The following IPCEF1 variants were observed in gnomAD, a reference collection of about 807,000 sequenced individuals.
The protein encoded by IPCEF1 is interactor protein for cytohesin exchange factors 1.
A neutral mutation model predicts 50.9 loss-of-function variants in IPCEF1; 31 were observed. The observed-to-expected ratio is 0.61, with a 90% CI of 0.46 to 0.82. IPCEF1 has a LOEUF of 0.82. Ranked by LOEUF, IPCEF1 falls within the 40% of genes least tolerant of loss-of-function variation. The pLI is 0.00. For missense variants in IPCEF1, 458 were observed against 514.0 expected (o/e 0.89, Z 1.05); for synonymous variants, 181 against 192.0 (o/e 0.94, Z 0.47).
At chr6:154,166,941 T>A (rs1583686740) in intron 11 of IPCEF1, among the ~76,000 whole-genome samples, 1 of 152,248 alleles carries the variant, frequency 6.6e-6, no homozygotes, top group Admixed American at 6.5e-5. Context: ...ATTATCTTTG[T>A]ATAATTAAAA....
chr6:154,221,455 A>C, intron 6 of IPCEF1, 127 bp from the exon 7 acceptor site: 1 of 724,208 alleles, frequency 1.4e-6, no homozygotes, highest in Non-Finnish European at 2.3e-6. Flanking sequence ...TACAAAAAAT[A>C]ATTTAGTAAT....
intron 9 of IPCEF1, among the ~76,000 whole-genome samples, chr6:154,202,464 C>A (rs1374452074): frequency 6.6e-6 from 1 of 152,144 alleles, no homozygotes. Context: ...ACAAAAATAT[C>A]CATTCTGGAC....
At chr6:154,301,061 G>A (rs967127846) in intron 1 of IPCEF1, among the ~76,000 whole-genome samples, 12 of 152,094 alleles carry the variant, frequency 7.9e-5, no homozygotes, top group Non-Finnish European at 2.9e-5. Flanking sequence ...AATTATCTTG[G>A]CACATACACC....
intron 5 of IPCEF1, among the ~76,000 whole-genome samples, chr6:154,233,384 A>AC (rs1235903189): frequency 6.6e-6 from 1 of 152,212 alleles, no homozygotes; most frequent in Non-Finnish European, 1.5e-5. Context: ...TAGTAAACTT[A>AC]CCATATTCTT....
intron 10 of IPCEF1, among the ~76,000 whole-genome samples, chr6:154,182,355 G>A (rs1176641248): frequency 1.3e-5 from 2 of 152,148 alleles, no homozygotes; most frequent in East Asian, 3.8e-4. Context: ...TCTATTGGGT[G>A]ATCTTTAATG....
intron 11 of IPCEF1, among the ~76,000 whole-genome samples, chr6:154,165,237 G>C (rs557472951): frequency 1.3e-5 from 2 of 152,150 alleles, no homozygotes; most frequent in South Asian, 2.1e-4. Context: ...ACTACTACCA[G>C]GGTCACAGAA....
intron 1 of IPCEF1, among the ~76,000 whole-genome samples, chr6:154,310,238 G>A (rs1039058715): frequency 2.0e-5 from 3 of 152,134 alleles, no homozygotes; most frequent in African/African-American, 4.8e-5. Context: ...TCTCAAAAGA[G>A]GACATATGAT....
chr6:154,332,656 G>T (rs1783700418), intron 1 of IPCEF1, among the ~76,000 whole-genome samples: 2 of 152,140 alleles, frequency 1.3e-5, no homozygotes, highest in African/African-American at 4.8e-5. Flanking sequence ...CTAATTAAGA[G>T]TGCTCTCTCC....
At chr6:154,204,087 T>G (rs938472210) in intron 9 of IPCEF1, among the ~76,000 whole-genome samples, 17 of 152,230 alleles carry the variant, frequency 1.1e-4, no homozygotes, top group African/African-American at 4.1e-4. Context: ...ATGAGGAAGT[T>G]AAAGACATTT....
intron 9 of IPCEF1, 152 bp from the exon 10 acceptor site, chr6:154,200,192 TTC>T: frequency 1.4e-6 from 1 of 719,496 alleles, no homozygotes; most frequent in Non-Finnish European, 2.2e-6. Flanking sequence ...TGATATTTAT[TTC>T]TGTTTGACAC....
chr6:154,328,296 T>C lies in IPCEF1; in HGVS notation c.-62+28376A>G, dbSNP rs530710777. Reference sequence around the variant, plus strand: ...AGAACAAATTCTAAAGCGTGGCTGATGAACACTAGGCTTGCCCAGTGCTCT... The same window carrying C: ...AGAACAAATTCTAAAGCGTGGCTGACGAACACTAGGCTTGCCCAGTGCTCT... On this transcript the variant is annotated intron_variant, in intron 1 of 11. Transcript: ENST00000367220. Among the ~76,000 whole-genome samples, 4 of 152,342 alleles carry C rather than the reference T, an allele frequency of 2.6e-5. No homozygotes were observed. In the East Asian group the frequency reaches 7.7e-4, roughly 29 times the overall value.
intron 10 of IPCEF1, among the ~76,000 whole-genome samples, chr6:154,189,740 G>C (rs1801698359): frequency 6.6e-6 from 1 of 152,014 alleles, no homozygotes; most frequent in Non-Finnish European, 1.5e-5. Flanking sequence ...AGGCCGAGGT[G>C]GGTGGATCAC....
chr6:154,277,779 T>C (rs1355581514), intron 2 of IPCEF1, among the ~76,000 whole-genome samples: 1 of 152,236 alleles, frequency 6.6e-6, no homozygotes, highest in Non-Finnish European at 1.5e-5. Flanking sequence ...TTTGTTTCCA[T>C]TCCTTTATAG....
chr6:154,288,179 A>T (rs958198385), intron 2 of IPCEF1, among the ~76,000 whole-genome samples: 1 of 152,240 alleles, frequency 6.6e-6, no homozygotes, highest in African/African-American at 2.4e-5. Flanking sequence ...CTAATGAGTT[A>T]TGACTAACAG....
At chr6:154,314,833 T>C (rs1783171910) in intron 1 of IPCEF1, among the ~76,000 whole-genome samples, 1 of 151,898 alleles carries the variant, frequency 6.6e-6, no homozygotes, top group Admixed American at 6.6e-5. Context: ...GAGGTTCCTT[T>C]CCCTTCAGGG....
chr6:154,314,169 A>T (rs1477245660), intron 1 of IPCEF1, among the ~76,000 whole-genome samples: 2 of 152,228 alleles, frequency 1.3e-5, no homozygotes, highest in East Asian at 1.9e-4. Flanking sequence ...ATTTATAATT[A>T]TAGAGTGCTT....
chr6:154,191,546 C>A (rs775978257), intron 10 of IPCEF1, among the ~76,000 whole-genome samples: 2 of 151,762 alleles, frequency 1.3e-5, no homozygotes, highest in East Asian at 1.9e-4. Flanking sequence ...TGGTGGCGAG[C>A]GCCTATAGTC....
intron 3 of IPCEF1, among the ~76,000 whole-genome samples, chr6:154,265,344 G>A (rs546077524): frequency 3.2e-4 from 49 of 151,634 alleles, no homozygotes; most frequent in African/African-American, 1.1e-3. Flanking sequence ...GCAGTGGCGC[G>A]ATCTCGGCTC....
At chr6:154,301,757 A>T (rs1049691506) in intron 1 of IPCEF1, among the ~76,000 whole-genome samples, 1 of 152,218 alleles carries the variant, frequency 6.6e-6, no homozygotes, top group Admixed American at 6.5e-5. Flanking sequence ...ACCAGGACAT[A>T]TAAAAAGTAA....
Sources: allele counts gnomAD v4.1 joint callset (sites outside exome capture counted in the v4.1 genomes callset), GRCh38; gene constraint gnomAD v4.1.1; transcripts MANE v1.5; gene names NCBI Gene and HGNC (gene_info 2026-07-23, HGNC 2026-07-21).